Variants in FKBP9 observed in about 807,000 individuals in gnomAD.
The protein encoded by FKBP9 is peptidyl-prolyl cis-trans isomerase FKBP9.
Under a neutral mutation model 55.6 loss-of-function variants are expected in FKBP9, and 27 were observed. The observed-to-expected ratio is 0.49, with a 90% confidence interval of 0.36 to 0.67. FKBP9 has a LOEUF of 0.67. Ranked by LOEUF, FKBP9 falls within the 30% of genes least tolerant of loss-of-function variation. The probability of loss-of-function intolerance (pLI) is 0.00; values close to 1 mark genes in which losing one functional copy is unlikely to be tolerated. For missense variants in FKBP9, 539 were observed against 742.8 expected (o/e 0.73, Z 3.19); for synonymous variants, 267 against 296.5 (o/e 0.90, Z 1.02).
intron 5 of FKBP9, among the ~76,000 whole-genome samples, chr7:32,985,100 A>C (rs780923613): frequency 1.3e-5 from 2 of 151,980 alleles, no homozygotes; most frequent in Non-Finnish European, 2.9e-5. Context: ...TACAATGACA[A>C]ATTTCCCTCC....
chr7:32,976,526 C>G (rs1478802040), intron 4 of FKBP9, 27 bp downstream of exon 4: 3 of 1,568,836 alleles, frequency 1.9e-6, no homozygotes, highest in Non-Finnish European at 1.7e-6. Flanking sequence ...CTTGGAGCCA[C>G]TCTTTCCTAC....
intron 1 of FKBP9, among the ~76,000 whole-genome samples, chr7:32,965,837 A>G (rs1784132113): frequency 4.5e-5 from 2 of 44,846 alleles, no homozygotes; most frequent in East Asian, 6.0e-4. Flanking sequence ...ATATATATAT[A>G]TATATATGTG....
intron 5 of FKBP9, among the ~76,000 whole-genome samples, chr7:32,982,984 ATG>A (rs71559288): frequency 0.053 from 7,473 of 142,082 alleles, 422 homozygotes; most frequent in African/African-American, 0.16. Flanking sequence ...GTCAAAGGTT[ATG>A]TGTGTGTGTG....
intron 9 of FKBP9, among the ~76,000 whole-genome samples, chr7:33,003,919 A>G (rs879473577): frequency 1.3e-5 from 2 of 151,028 alleles, no homozygotes; most frequent in Non-Finnish European, 2.9e-5. Context: ...TCCACTTCAC[A>G]CTCATGTGTT....
At chr7:32,958,755 C>G (rs1783955930) in intron 1 of FKBP9, among the ~76,000 whole-genome samples, 1 of 152,210 alleles carries the variant, frequency 6.6e-6, no homozygotes, top group Non-Finnish European at 1.5e-5. Context: ...CCCAGAACTC[C>G]TTCTCTCAGC....
intron 5 of FKBP9, among the ~76,000 whole-genome samples, chr7:32,985,202 G>A (rs1292727364): frequency 6.8e-6 from 1 of 146,542 alleles, no homozygotes; most frequent in Non-Finnish European, 1.5e-5. Context: ...TTGAGACGGA[G>A]CCTCGCTTCT....
At chr7:32,965,882 T>G (rs868585539) in intron 1 of FKBP9, among the ~76,000 whole-genome samples, 13,520 of 106,624 alleles carry the variant, frequency 0.13, 1,238 homozygotes, top group Middle Eastern at 0.18. Context: ...CATATATATA[T>G]ATAGAGAGAG....
At chr7:33,004,166 C>T (rs1188545764) in intron 9 of FKBP9, among the ~76,000 whole-genome samples, 1 of 152,104 alleles carries the variant, frequency 6.6e-6, no homozygotes, top group African/African-American at 2.4e-5. Context: ...CCTGACGCTT[C>T]TTACCACCCC....
rs1583874620 is a variant in FKBP9 at position 33,003,008 on chromosome 7, T to C, written c.1536+169T>C. On this transcript the variant is annotated intron_variant, in intron 9 of 9. Coordinates refer to ENST00000242209, the MANE Select transcript of FKBP9 (RefSeq NM_007270.5). ...GCCAAGCGCTTTTACACACACCCTCTCGATGGAAGCTCACCATTCCTCTCT... is the reference window on the plus strand; with the variant it reads ...GCCAAGCGCTTTTACACACACCCTCCCGATGGAAGCTCACCATTCCTCTCT... The C allele has an allele frequency of 6.5e-6, 4 of 611,024 alleles. No individual in the cohort carries two copies. In the East Asian group the frequency reaches 1.1e-4, roughly 17 times the overall value. The allele number at this position is 611,024 out of a possible 1,614,324, so 37.9% of individuals were successfully genotyped here.
At chr7:33,005,120 G>A in intron 9 of FKBP9, 55 bp from the exon 10 acceptor site, 1 of 1,587,956 alleles carries the variant, frequency 6.3e-7, no homozygotes, top group African/African-American at 1.3e-5. Context: ...CTGGCCCCAG[G>A]CCTGGCGTTC....
At chr7:32,982,716 T>G (rs1254279387) in intron 5 of FKBP9, among the ~76,000 whole-genome samples, 1 of 152,244 alleles carries the variant, frequency 6.6e-6, no homozygotes, top group Non-Finnish European at 1.5e-5. Context: ...ACACCAGATT[T>G]CTGTTCATAT....
chr7:32,959,290 A>T (rs1325161559), intron 1 of FKBP9, among the ~76,000 whole-genome samples: 2 of 152,212 alleles, frequency 1.3e-5, no homozygotes, highest in African/African-American at 4.8e-5. Flanking sequence ...CTGTAATCCC[A>T]ACTACGCGGG....
rs1037951051 is a variant in FKBP9, at chr7:33,006,663, G to A, written c.*1312G>A. On this transcript the variant is annotated 3_prime_UTR_variant, in exon 10 of 10. Coordinates refer to ENST00000242209, the MANE Select transcript of FKBP9 (RefSeq NM_007270.5). ...ACCCTGAAGGCAGAGGCCAGCTGCCGCAAGACAGCAATGACAGTCCACCTG... is the reference window on the plus strand; with the variant it reads ...ACCCTGAAGGCAGAGGCCAGCTGCCACAAGACAGCAATGACAGTCCACCTG... 3.2e-5 allele frequency: 7 copies of A among 216,262 alleles called. No homozygotes were observed. Among genetic ancestry groups the A allele is most frequent in the African/African-American group, 6.8e-5 (3 of 44,352 alleles). 13.4% of individuals were successfully genotyped at this position (216,262 alleles called of 1,614,324 possible).
At chr7:32,997,389 T>A (rs562159339) in intron 7 of FKBP9, among the ~76,000 whole-genome samples, 2 of 151,508 alleles carry the variant, frequency 1.3e-5, no homozygotes, top group Non-Finnish European at 2.9e-5. Context: ...ATTTTTAAAA[T>A]TTTTTTAGAG....
intron 1 of FKBP9, among the ~76,000 whole-genome samples, chr7:32,971,460 TCTTTCTTC>T (rs1204097886): frequency 2.9e-4 from 44 of 152,212 alleles, no homozygotes; most frequent in African/African-American, 9.1e-4. Context: ...TTTCTTCCTT[TCTTTCTTC>T]CTTTCTTCCT....
At chr7:32,966,166 C>T (rs1427278046) in intron 1 of FKBP9, among the ~76,000 whole-genome samples, 2 of 112,474 alleles carry the variant, frequency 1.8e-5, no homozygotes, top group African/African-American at 7.0e-5. Flanking sequence ...GCACTCCAGC[C>T]TTGGTGACAG....
chr7:32,965,812 A>AAAAAAATATATATAAAT (rs1554284289), intron 1 of FKBP9, among the ~76,000 whole-genome samples: 1 of 34,936 alleles, frequency 2.9e-5, no homozygotes, highest in African/African-American at 1.2e-4. Flanking sequence ...AAAAAAAAAA[A>AAAAAAATATATATAAAT]ATATATATAT....
At chr7:32,994,242 G>C (rs975864745) in intron 6 of FKBP9, among the ~76,000 whole-genome samples, 22 of 152,056 alleles carry the variant, frequency 1.4e-4, no homozygotes, top group African/African-American at 5.3e-4. Context: ...TCCGTACCCT[G>C]TCCTCATCCA....
intron 1 of FKBP9, among the ~76,000 whole-genome samples, chr7:32,966,811 A>G (rs1234370924): frequency 1.3e-5 from 2 of 152,206 alleles, no homozygotes; most frequent in Admixed American, 6.5e-5. Context: ...GAGCAGGAGC[A>G]AGAGAGAGGG....
Sources: gnomAD v4.1 joint callset for allele counts (sites outside exome capture counted in the v4.1 genomes callset) on GRCh38, gnomAD v4.1.1 for gene constraint, MANE v1.5 for transcripts, NCBI Gene and HGNC (gene_info 2026-07-23, HGNC 2026-07-21) for gene names.